The following PRDX4 variants were observed in gnomAD, a reference collection of about 807,000 sequenced individuals.
The protein encoded by PRDX4 is peroxiredoxin-4.
In PRDX4, 12 loss-of-function variants were observed where a neutral mutation model predicts 20.5. That is an observed-to-expected ratio of 0.58 (90% CI 0.37 to 0.95). The LOEUF is 0.95. Among genes scored for constraint, PRDX4 ranks in the 40% least tolerant of loss-of-function variants. The probability of loss-of-function intolerance (pLI) is 0.01; values close to 1 mark genes in which losing one functional copy is unlikely to be tolerated. For synonymous variants in PRDX4, 99 were observed against 87.5 expected (o/e 1.13, Z -0.73); for missense variants, 180 against 207.3 (o/e 0.87, Z 0.81).
Position 23,686,291 on chromosome X carries a change from C to T in PRDX4, c.772C>T (p.Pro258Ser). 8.5e-7 allele frequency: 1 copy of T among 1,173,157 alleles called. No homozygotes were observed. Among genetic ancestry groups the T allele is most frequent in the Non-Finnish European group, 1.1e-6 (1 of 873,247 alleles). ...GWKPGSETII[P>S]DPAGKLKYFD... ...CTTCGTTTTGTTTTAACAGATAATC[C>T]CAGATCCAGCTGGAAAGCTGAAGTA... Residue 258 changes from proline to serine, a missense_variant, in exon 7 of 7, where the codon CCA becomes TCA. Around this residue, in one of 3 missense-constraint regions of PRDX4, gnomAD observed 73 missense variants for 76.5 expected, o/e 0.95. Coordinates refer to ENST00000379341, the MANE Select transcript of PRDX4 (RefSeq NM_006406.2).
At chrX:23,680,811 T>C (rs1928052359) in intron 4 of PRDX4, among the ~76,000 whole-genome samples, 1 of 110,816 alleles carries the variant, frequency 9.0e-6, no homozygotes, top group Non-Finnish European at 1.9e-5. Flanking sequence ...CTCAAGAGGC[T>C]GAGATAAGAG....
chrX:23,669,464 G>C (rs1927800819), intron 1 of PRDX4, among the ~76,000 whole-genome samples: 1 of 111,615 alleles, frequency 9.0e-6, no homozygotes, highest in Non-Finnish European at 1.9e-5. Flanking sequence ...TATAATTAAA[G>C]ATACAAAGAC....
At chrX:23,675,301 C>T in intron 3 of PRDX4, 195 bp downstream of exon 3, 2 of 841,690 alleles carry the variant, frequency 2.4e-6, no homozygotes, top group Non-Finnish European at 3.2e-6. Context: ...TAATCAGCTG[C>T]TATAATAAAA....
chrX:23,672,448 G>A (rs188261073), intron 2 of PRDX4, among the ~76,000 whole-genome samples: 9 of 111,582 alleles, frequency 8.1e-5, no homozygotes, highest in African/African-American at 2.9e-4. Context: ...GGGGTTTCTC[G>A]TCTTTTTTTA....
intron 3 of PRDX4, among the ~76,000 whole-genome samples, chrX:23,676,669 G>A (rs927371571): frequency 9.2e-6 from 1 of 108,455 alleles, no homozygotes; most frequent in Non-Finnish European, 1.9e-5. Flanking sequence ...GTGCATGCCT[G>A]TGGTCCCAGC....
chrX:23,667,579 G>C lies in PRDX4; in HGVS notation c.9G>C (p.Ala3=). The C allele has an allele frequency of 8.4e-7, 1 of 1,185,047 alleles. No homozygotes were observed. The highest frequency in any genetic ancestry group is 1.1e-6 in the Non-Finnish European group (1 of 882,744). The change falls in exon 1 of 7, where the codon GCG becomes GCC. Residue 3 remains alanine (A), a synonymous_variant. Coordinates refer to ENST00000379341, the MANE Select transcript of PRDX4 (RefSeq NM_006406.2). ...TCTGCGCTCGCGTGGTCATGGAGGC[G>C]CTGCCGCTGCTAGCCGCGACAACTC... is the stretch of plus-strand genomic sequence containing the variant. The part of the protein sequence containing the change: ME[A]LPLLAATTPD...
intron 2 of PRDX4, among the ~76,000 whole-genome samples, 186 bp downstream of exon 2, chrX:23,671,832 T>C (rs1027047075): frequency 4.5e-5 from 5 of 112,292 alleles, no homozygotes; most frequent in African/African-American, 9.7e-5. Flanking sequence ...TCAATACTTA[T>C]GTCTACATGA....
intron 4 of PRDX4, among the ~76,000 whole-genome samples, chrX:23,680,952 G>A (rs763053883): frequency 4.5e-5 from 5 of 111,303 alleles, no homozygotes; most frequent in Non-Finnish European, 7.5e-5. Flanking sequence ...ATACATAGCC[G>A]GGCGCAGTGG....
At position 23,667,570 on chromosome X, in the gene PRDX4, C is replaced by T. The variant is rs751306021; in HGVS notation, c.-1C>T. 8.5e-7 allele frequency: 1 copy of T among 1,183,026 alleles called. No individual in the cohort carries two copies. Among genetic ancestry groups the T allele is most frequent in the South Asian group, 1.9e-5 (1 of 54,047 alleles). Reference sequence around the variant, plus strand: ...GGACGTGTTTCTGCGCTCGCGTGGTCATGGAGGCGCTGCCGCTGCTAGCCG... The same window carrying T: ...GGACGTGTTTCTGCGCTCGCGTGGTTATGGAGGCGCTGCCGCTGCTAGCCG... On this transcript the variant is annotated 5_prime_UTR_variant, in exon 1 of 7. Coordinates refer to ENST00000379341, the MANE Select transcript of PRDX4 (RefSeq NM_006406.2).
At chrX:23,673,277 C>T (rs1165209299) in intron 2 of PRDX4, among the ~76,000 whole-genome samples, 3 of 112,490 alleles carry the variant, frequency 2.7e-5, no homozygotes, top group African/African-American at 9.7e-5. Context: ...AAGATAGCCT[C>T]TTCCTGTTTT....
intron 5 of PRDX4, among the ~76,000 whole-genome samples, chrX:23,683,329 G>A (rs746433027): frequency 8.9e-6 from 1 of 112,054 alleles, no homozygotes; most frequent in Admixed American, 9.6e-5. Context: ...GGAAGTTTAT[G>A]TAAATTTGGA....
intron 5 of PRDX4, among the ~76,000 whole-genome samples, chrX:23,682,752 A>T (rs1195781797): frequency 1.1e-5 from 1 of 93,929 alleles, no homozygotes. Context: ...AGGCCAAGGT[A>T]GGAGGATTGC....
chrX:23,683,690 A>G lies in PRDX4; in HGVS notation c.750A>G (p.Lys250=), dbSNP rs1928128817. 1 of 1,205,548 alleles carries G rather than the reference A, an allele frequency of 8.3e-7. No homozygotes were observed. The highest frequency in any genetic ancestry group is 3.0e-5 in the East Asian group (1 of 33,723). Residue 250 remains lysine, a synonymous_variant, in exon 6 of 7, where the codon AAA becomes AAG. Coordinates refer to ENST00000379341, the MANE Select transcript of PRDX4 (RefSeq NM_006406.2). ...TTTTAGTCTGCCCTGCTGGCTGGAA[A>G]CCTGGTAGTGAAACAGTAAGTATAT... ...KHGEVCPAGW[K]PGSETIIPDP...
chrX:23,670,283 A>G (rs750106658), intron 1 of PRDX4, among the ~76,000 whole-genome samples: 1 of 111,956 alleles, frequency 8.9e-6, no homozygotes, highest in African/African-American at 3.2e-5. Flanking sequence ...TACAATTATT[A>G]TAACCTCTCA....
chrX:23,686,195 A>T, intron 6 of PRDX4, 90 bp from the exon 7 acceptor site: 1 of 629,976 alleles, frequency 1.6e-6, no homozygotes, highest in Non-Finnish European at 2.5e-6. Context: ...AATAATTTTT[A>T]GTCAAGGCAT....
Position 23,667,563 on chromosome X carries a change from G to C in PRDX4, c.-8G>C, listed in dbSNP as rs1016280550. 6 of 1,177,427 alleles carry C rather than the reference G, an allele frequency of 5.1e-6. No individual in the cohort carries two copies. The highest frequency in any genetic ancestry group is 6.8e-6 in the Non-Finnish European group (6 of 878,857). On this transcript the variant is annotated 5_prime_UTR_variant, in exon 1 of 7. Coordinates refer to ENST00000379341, the MANE Select transcript of PRDX4 (RefSeq NM_006406.2). ...CGCCAAGGGACGTGTTTCTGCGCTCGCGTGGTCATGGAGGCGCTGCCGCTG... is the reference window on the plus strand; with the variant it reads ...CGCCAAGGGACGTGTTTCTGCGCTCCCGTGGTCATGGAGGCGCTGCCGCTG...
chrX:23,686,229 A>G, intron 6 of PRDX4, 56 bp from the exon 7 acceptor site: 3 of 977,940 alleles, frequency 3.1e-6, no homozygotes, highest in Non-Finnish European at 4.2e-6. Context: ...CAGACTACTC[A>G]TTATGTACTT....
intron 4 of PRDX4, among the ~76,000 whole-genome samples, chrX:23,681,163 G>A (rs1013668207): frequency 9.0e-6 from 1 of 111,433 alleles, no homozygotes; most frequent in Non-Finnish European, 1.9e-5. Context: ...ACCCTGGGGG[G>A]CGGAGTCTGC....
In PRDX4 at chrX:23,667,740, G is replaced by C. The variant is rs757480650; in HGVS notation, c.170G>C (p.Gly57Ala). 8 of 1,210,089 alleles carry C rather than the reference G, an allele frequency of 6.6e-6. No individual in the cohort carries two copies. Among genetic ancestry groups the C allele is most frequent in the Non-Finnish European group, 1.1e-6 (1 of 895,131 alleles). The change falls in exon 1 of 7, where the codon GGA becomes GCA. Residue 57 changes from glycine to alanine, a missense_variant. Physicochemically the swap from Gly to Ala is moderately conservative, Grantham distance 60 (BLOSUM62 0). Around this residue, in one of 3 missense-constraint regions of PRDX4, gnomAD observed 105 missense variants for 114.2 expected, o/e 0.92. Transcript: ENST00000379341. ...GAGGAGTGCCACTTCTACGCGGGTG[G>C]ACAAGTGTACCCGGGAGAGGCATCC... ...REEECHFYAG[G>A]QVYPGEASRV...
Sources: allele counts gnomAD v4.1 joint callset (sites outside exome capture counted in the v4.1 genomes callset), GRCh38; gene constraint gnomAD v4.1.1; regional missense constraint gnomAD v4.1.1; transcripts MANE v1.5; gene names NCBI Gene and HGNC (gene_info 2026-07-23, HGNC 2026-07-21).